PTPN9: variants seen among roughly 807,000 people sequenced by gnomAD.
PTPN9 encodes tyrosine-protein phosphatase non-receptor type 9.
PTPN9 carries 26 observed loss-of-function variants against 69.8 expected under a neutral mutation model. That is an observed-to-expected ratio of 0.37 (90% confidence interval 0.27 to 0.52). PTPN9 has a LOEUF of 0.52. PTPN9 is among the 20% of genes least tolerant of loss of function. The pLI is 0.91. For missense variants in PTPN9, 549 were observed against 740.3 expected, an observed-to-expected ratio of 0.74 and a Z score of 3.00; for synonymous variants, 274 against 272.5, an observed-to-expected ratio of 1.01 and a Z score of -0.05.
At chr15:75,490,436 A>G (rs1290080961) in intron 7 of PTPN9, 135 bp from the exon 8 acceptor site, 1 of 645,068 alleles carries the variant, frequency 1.6e-6, no homozygotes, top group Non-Finnish European at 2.7e-6. Flanking sequence ...TTTCTAGCCC[A>G]TACAGTTCCA....
intron 7 of PTPN9, among the ~76,000 whole-genome samples, chr15:75,500,756 C>T (rs1362464857): frequency 6.6e-6 from 1 of 151,492 alleles, no homozygotes; most frequent in Non-Finnish European, 1.5e-5. Flanking sequence ...CATGGTGGTG[C>T]ATGTCTGTGG....
At chr15:75,492,662 G>T (rs577754995) in intron 7 of PTPN9, among the ~76,000 whole-genome samples, 1 of 152,154 alleles carries the variant, frequency 6.6e-6, no homozygotes, top group East Asian at 1.9e-4. Context: ...CCAACAAAAA[G>T]CTAGTTGTCT....
intron 1 of PTPN9, among the ~76,000 whole-genome samples, chr15:75,564,698 C>T (rs2075119325): frequency 6.6e-6 from 1 of 152,030 alleles, no homozygotes; most frequent in African/African-American, 2.4e-5. Context: ...TGGCTCATGC[C>T]TGTATTCTAA....
chr15:75,503,930 C>G (rs1268625263), intron 7 of PTPN9, among the ~76,000 whole-genome samples: 1 of 114,634 alleles, frequency 8.7e-6, no homozygotes, highest in Admixed American at 8.7e-5. Flanking sequence ...CCCGGCCAGC[C>G]GCCCCGTCCG....
At position 75,509,044 on chromosome 15, in the gene PTPN9, T is replaced by C. The variant is rs370618189; in HGVS notation, c.529-17A>G. On this transcript the variant is annotated splice_polypyrimidine_tract_variant and intron_variant, in intron 5 of 12. Coordinates refer to ENST00000618819, the MANE Select transcript of PTPN9 (RefSeq NM_002833.4). Reference sequence around the variant, plus strand: ...AAATGCTCCCTGTGGAGAAAACACATGAGGATTTAAGTGTAATGGAACCTG... The same window carrying C: ...AAATGCTCCCTGTGGAGAAAACACACGAGGATTTAAGTGTAATGGAACCTG... The C allele has an allele frequency of 3.3e-4, 532 of 1,601,806 alleles. 1 individual carries two copies. The highest frequency in any genetic ancestry group is 8.3e-4 in the Admixed American group (50 of 59,898).
chr15:75,482,559 C>T (rs1217211263), intron 8 of PTPN9, among the ~76,000 whole-genome samples: 8 of 102,536 alleles, frequency 7.8e-5, no homozygotes, highest in African/African-American at 1.5e-4. Context: ...AGCGAGACTC[C>T]GTCTCAAAAA....
chr15:75,531,839 G>A (rs1377787505), intron 1 of PTPN9, among the ~76,000 whole-genome samples: 12 of 151,332 alleles, frequency 7.9e-5, no homozygotes, highest in Non-Finnish European at 1.6e-4. Flanking sequence ...GATTACAGGC[G>A]TGAGCCACCA....
intron 8 of PTPN9, 99 bp downstream of exon 8, chr15:75,490,109 G>T: frequency 1.0e-6 from 1 of 986,162 alleles, no homozygotes; most frequent in Non-Finnish European, 1.6e-6. Flanking sequence ...CTCTGGCCTC[G>T]GAGTCTACTT....
chr15:75,525,009 A>C (rs561728894), intron 2 of PTPN9, among the ~76,000 whole-genome samples: 1 of 151,994 alleles, frequency 6.6e-6, no homozygotes. Context: ...CAAGGTTCTT[A>C]AACACGCAGC....
intron 5 of PTPN9, among the ~76,000 whole-genome samples, chr15:75,509,939 G>A (rs1470157352): frequency 1.3e-5 from 2 of 152,048 alleles, no homozygotes; most frequent in Admixed American, 6.6e-5. Flanking sequence ...AGCCAAGATC[G>A]CACCACTGCA....
At chr15:75,478,166 C>T (rs1169051148) in intron 9 of PTPN9, among the ~76,000 whole-genome samples, 3 of 145,154 alleles carry the variant, frequency 2.1e-5, no homozygotes, top group East Asian at 4.0e-4. Flanking sequence ...TCTTTTTGAG[C>T]GCAATCTCTG....
At chr15:75,471,549 G>T (rs529915015) in intron 10 of PTPN9, among the ~76,000 whole-genome samples, 19 of 148,488 alleles carry the variant, frequency 1.3e-4, no homozygotes, top group Non-Finnish European at 2.4e-4. Flanking sequence ...ACTGCAGTGA[G>T]CTGAGATGGC....
intron 6 of PTPN9, among the ~76,000 whole-genome samples, chr15:75,507,819 C>T (rs1413688109): frequency 4.0e-5 from 6 of 151,330 alleles, no homozygotes; most frequent in African/African-American, 1.5e-4. Context: ...CTGAGGTGGG[C>T]GGATCATGAG....
intron 9 of PTPN9, among the ~76,000 whole-genome samples, chr15:75,477,321 G>A (rs796483031): frequency 2.4e-4 from 37 of 152,294 alleles, no homozygotes; most frequent in African/African-American, 8.2e-4. Context: ...TAGGCCAGGC[G>A]TAGTGGCTGA....
intron 1 of PTPN9, among the ~76,000 whole-genome samples, chr15:75,531,630 T>C (rs573351394): frequency 7.9e-5 from 12 of 151,900 alleles, no homozygotes; most frequent in Non-Finnish European, 1.8e-4. Context: ...TCGCCCAGGC[T>C]GGAGTACAGT....
At chr15:75,469,012 G>A in intron 12 of PTPN9, 29 bp from the exon 13 acceptor site, 1 of 1,561,798 alleles carries the variant, frequency 6.4e-7, no homozygotes, top group Non-Finnish European at 8.8e-7. Flanking sequence ...GATCACATCT[G>A]GTTTACCTCT....
At chr15:75,504,058 G>T (rs569804482) in intron 7 of PTPN9, among the ~76,000 whole-genome samples, 1 of 116,700 alleles carries the variant, frequency 8.6e-6, no homozygotes, top group Non-Finnish European at 1.8e-5. Context: ...CCGGCCAGCC[G>T]ACCCGTCCGG....
intron 6 of PTPN9, among the ~76,000 whole-genome samples, chr15:75,508,247 G>A (rs752007256): frequency 2.0e-5 from 3 of 151,974 alleles, no homozygotes; most frequent in South Asian, 2.1e-4. Context: ...TTGTGGCGGC[G>A]GGGTCTCACT....
chr15:75,527,442 T>C (rs1243402343), intron 1 of PTPN9, among the ~76,000 whole-genome samples, 181 bp from the exon 2 acceptor site: 4 of 151,928 alleles, frequency 2.6e-5, no homozygotes, highest in Non-Finnish European at 4.4e-5. Context: ...TAGTTAAAAT[T>C]TGTATAATTC....
Sources: allele counts gnomAD v4.1 joint callset (sites outside exome capture counted in the v4.1 genomes callset), GRCh38; gene constraint gnomAD v4.1.1; transcripts MANE v1.5; gene names NCBI Gene and HGNC (gene_info 2026-07-23, HGNC 2026-07-21).